Variants in PSD3 observed in about 807,000 individuals in gnomAD.
PSD3 encodes PH and SEC7 domain-containing protein 3.
PSD3 carries 49 observed loss-of-function variants against 105.5 expected under a neutral mutation model. The observed-to-expected ratio is 0.46, with a 90% CI of 0.37 to 0.59. The LOEUF (loss-of-function observed/expected upper bound fraction) is 0.59. PSD3 is among the 20% of genes least tolerant of loss of function. PSD3 has a pLI of 0.00. For synonymous variants in PSD3, 557 were observed against 457.8 expected, an observed-to-expected ratio of 1.22 and a Z score of -2.77; for missense variants, 1,561 against 1,263.8, an observed-to-expected ratio of 1.24 and a Z score of -3.57.
In PSD3 at chr8:18,867,597, A is replaced by C. The variant is rs1006975963; in HGVS notation, c.1634+77T>G. 2.0e-6 allele frequency: 3 copies of C among 1,494,006 alleles called. No homozygotes were observed. In the African/African-American group the frequency reaches 4.2e-5, roughly 21 times the overall value. The allele number at this position is 1,494,006 out of a possible 1,614,324, so 92.5% of individuals were successfully genotyped here. A position where few individuals can be genotyped will look rare whatever the true frequency, so the allele number is the denominator to read the frequency against. On this transcript the variant is annotated intron_variant, in intron 4 of 15. Coordinates refer to ENST00000327040, the MANE Select transcript of PSD3 (RefSeq NM_015310.4). ...AATTGGCCAAATGATTTAAATATAT[A>C]TTCCACACTCAGATTTCCCAGAAAA...
chr8:18,550,384 T>C (rs1800687856), intron 15 of PSD3, among the ~76,000 whole-genome samples: 1 of 152,238 alleles, frequency 6.6e-6, no homozygotes, highest in African/African-American at 2.4e-5. Context: ...GCAAGGATCA[T>C]GTCTGTATTA....
chr8:19,051,984 A>C (rs1410881197), intron 1 of PSD3, among the ~76,000 whole-genome samples: 4 of 152,232 alleles, frequency 2.6e-5, no homozygotes, highest in African/African-American at 9.6e-5. Context: ...GTAGAAATAA[A>C]ATTAGATCAA....
chr8:18,587,271 C>T (rs948652771), intron 12 of PSD3, among the ~76,000 whole-genome samples: 2 of 152,092 alleles, frequency 1.3e-5, no homozygotes, highest in East Asian at 3.9e-4. Flanking sequence ...CCTTTGAGTA[C>T]CTGAGTATAG....
At chr8:18,873,099 A>G (rs1041102875) in intron 2 of PSD3, among the ~76,000 whole-genome samples, 1 of 152,214 alleles carries the variant, frequency 6.6e-6, no homozygotes, top group Non-Finnish European at 1.5e-5. Context: ...TGAAACAGCA[A>G]CTAAAATGTG....
At position 18,600,347 on chromosome 8, in the gene PSD3, A is replaced by T; in HGVS notation, c.2481+17T>A. 6.3e-7 allele frequency: 1 copy of T among 1,599,912 alleles called. No homozygotes were observed. The highest frequency in any genetic ancestry group is 1.1e-5 in the South Asian group (1 of 90,242). On this transcript the variant is annotated intron_variant, in intron 12 of 15. Transcript: ENST00000327040. ...TTTCATCGAGTTTTGTGGATTTTTTATCTGCTTTACTTTTACCTTTTGCAA... is the reference window on the plus strand; with the variant it reads ...TTTCATCGAGTTTTGTGGATTTTTTTTCTGCTTTACTTTTACCTTTTGCAA...
At chr8:18,865,255 TA>T (rs1816781960) in intron 4 of PSD3, 1 of 3,834 alleles carries the variant, frequency 2.6e-4, no homozygotes, top group Non-Finnish European at 6.0e-4. Flanking sequence ...TATATATATA[TA>T]TATATATATA....
At chr8:18,914,896 A>C (rs141009111) in intron 2 of PSD3, among the ~76,000 whole-genome samples, 10 of 152,296 alleles carry the variant, frequency 6.6e-5, no homozygotes, top group African/African-American at 2.2e-4. Flanking sequence ...CAAATAACCA[A>C]ACCAATCTGG....
intron 2 of PSD3, among the ~76,000 whole-genome samples, chr8:18,905,748 A>G (rs1412290878): frequency 1.3e-5 from 2 of 152,318 alleles, no homozygotes; most frequent in East Asian, 3.9e-4. Context: ...TACCTATCAT[A>G]GTATTCTGAA....
intron 8 of PSD3, among the ~76,000 whole-genome samples, chr8:18,790,769 C>A (rs1027118228): frequency 6.6e-6 from 1 of 152,046 alleles, no homozygotes; most frequent in Non-Finnish European, 1.5e-5. Context: ...TTAGGACCAC[C>A]GAGAAGCTGC....
intron 4 of PSD3, among the ~76,000 whole-genome samples, chr8:18,825,351 T>TA (rs1295597753): frequency 1.3e-5 from 2 of 152,184 alleles, no homozygotes; most frequent in African/African-American, 4.8e-5. Context: ...GGAAGCTTGT[T>TA]AAAAACACAC....
At chr8:18,719,117 T>G (rs890514148) in intron 9 of PSD3, among the ~76,000 whole-genome samples, 1 of 152,192 alleles carries the variant, frequency 6.6e-6, no homozygotes, top group African/African-American at 2.4e-5. Context: ...TGACTTCGGA[T>G]AGTCCCGCAG....
At chr8:18,689,116 T>C (rs1800825372) in intron 9 of PSD3, among the ~76,000 whole-genome samples, 1 of 152,126 alleles carries the variant, frequency 6.6e-6, no homozygotes, top group Non-Finnish European at 1.5e-5. Flanking sequence ...ACTCAACCTC[T>C]CAAAAGAGTA....
chr8:18,575,959 C>A (rs185604903), intron 12 of PSD3, among the ~76,000 whole-genome samples: 46 of 152,184 alleles, frequency 3.0e-4, no homozygotes, highest in African/African-American at 1.0e-3. Context: ...GCCTCCCTTC[C>A]TCCTTCCCAT....
intron 12 of PSD3, among the ~76,000 whole-genome samples, chr8:18,590,716 G>C (rs570670160): frequency 1.3e-5 from 2 of 151,824 alleles, no homozygotes; most frequent in South Asian, 4.2e-4. Flanking sequence ...TGAAAGTGGG[G>C]GAAAAGTTAA....
rs150376501 is a variant in PSD3 at position 18,760,890 on chromosome 8, G to T, written c.2172+4559C>A. 2.1e-3 allele frequency among the ~76,000 whole-genome samples: 314 copies of T among 152,150 alleles called. 2 individuals are homozygous for T. The highest frequency in any genetic ancestry group is 7.1e-3 in the African/African-American group (293 of 41,518). The stretch of plus-strand genomic sequence containing the variant: ...CCTTCAGACCAACGCCTCTCCATTA[G>T]GAAGGCACATCTCTAGCAACCCTTG... On this transcript the variant is annotated intron_variant, in intron 9 of 15. Transcript: ENST00000327040.
chr8:18,623,871 T>C (rs1806298413), intron 11 of PSD3, among the ~76,000 whole-genome samples: 1 of 152,188 alleles, frequency 6.6e-6, no homozygotes, highest in African/African-American at 2.4e-5. Flanking sequence ...AAAAATAGTA[T>C]TGTTTTGCAT....
At chr8:18,918,341 A>G (rs529996110) in intron 2 of PSD3, among the ~76,000 whole-genome samples, 2 of 152,152 alleles carry the variant, frequency 1.3e-5, no homozygotes, top group African/African-American at 4.8e-5. Flanking sequence ...TCTTCCAAGA[A>G]GCCTTCTCTC....
At chr8:18,866,560 C>T (rs537596788) in intron 4 of PSD3, among the ~76,000 whole-genome samples, 4 of 152,178 alleles carry the variant, frequency 2.6e-5, no homozygotes, top group Admixed American at 6.5e-5. Flanking sequence ...GTGGTTTTGA[C>T]ACCTTGTTCT....
chr8:18,898,492 C>G (rs1235414518), intron 2 of PSD3, among the ~76,000 whole-genome samples: 1 of 151,942 alleles, frequency 6.6e-6, no homozygotes, highest in Non-Finnish European at 1.5e-5. Flanking sequence ...TACAGTTGAC[C>G]TTTGAATAAG....
Sources: allele counts gnomAD v4.1 joint callset (sites outside exome capture counted in the v4.1 genomes callset), GRCh38; gene constraint gnomAD v4.1.1; transcripts MANE v1.5; gene names NCBI Gene and HGNC (gene_info 2026-07-23, HGNC 2026-07-21).